The following BMP6 variants were observed in gnomAD, a reference collection of about 807,000 sequenced individuals.
The protein encoded by BMP6 is VG-1-R.
Under a neutral mutation model 54.1 loss-of-function variants are expected in BMP6, and 17 were observed. That is an observed-to-expected ratio of 0.31 (90% CI 0.22 to 0.47). The LOEUF (loss-of-function observed/expected upper bound fraction) is 0.47, where lower values mean the gene tolerates loss of function less well. Ranked by LOEUF, BMP6 falls within the 20% of genes least tolerant of loss-of-function variation. The pLI is 1.00. For missense variants in BMP6, 720 were observed against 690.4 expected, an observed-to-expected ratio of 1.04 and a Z score of -0.48; for synonymous variants, 328 against 291.2, an observed-to-expected ratio of 1.13 and a Z score of -1.28.
chr6:7,775,851 A>G (rs1253517639), intron 1 of BMP6, among the ~76,000 whole-genome samples: 1 of 152,218 alleles, frequency 6.6e-6, no homozygotes, highest in Non-Finnish European at 1.5e-5. Context: ...TTCCAAAACT[A>G]AACATTTGGG....
chr6:7,861,698 C>A, intron 3 of BMP6, 99 bp downstream of exon 3: 2 of 1,506,090 alleles, frequency 1.3e-6, no homozygotes, highest in South Asian at 1.2e-5. Context: ...ACAGGCAAGT[C>A]CTCAGCTTCA....
At chr6:7,734,097 A>G (rs1199697379) in intron 1 of BMP6, among the ~76,000 whole-genome samples, 2 of 152,244 alleles carry the variant, frequency 1.3e-5, no homozygotes, top group East Asian at 1.9e-4. Flanking sequence ...GTGAATATGT[A>G]GTATTTCAGC....
intron 2 of BMP6, among the ~76,000 whole-genome samples, chr6:7,856,095 G>A (rs1188201120): frequency 1.0e-5 from 1 of 96,154 alleles, no homozygotes; most frequent in Non-Finnish European, 1.9e-5. Flanking sequence ...GCCATTGGGT[G>A]AAAATTGAGT....
intron 1 of BMP6, among the ~76,000 whole-genome samples, chr6:7,841,099 A>G (rs888537837): frequency 2.6e-5 from 4 of 152,236 alleles, no homozygotes; most frequent in African/African-American, 9.6e-5. Flanking sequence ...GCTATTTTGT[A>G]TAGATTGTGT....
At chr6:7,855,313 G>T (rs1246218352) in intron 2 of BMP6, among the ~76,000 whole-genome samples, 2 of 152,176 alleles carry the variant, frequency 1.3e-5, no homozygotes, top group Non-Finnish European at 2.9e-5. Flanking sequence ...GAACCTGTTA[G>T]AAATGCAGAT....
At chr6:7,801,899 A>T (rs1758274511) in intron 1 of BMP6, among the ~76,000 whole-genome samples, 1 of 152,174 alleles carries the variant, frequency 6.6e-6, no homozygotes. Context: ...ATGGTCCTAT[A>T]CTACAATTGA....
intron 4 of BMP6, among the ~76,000 whole-genome samples, chr6:7,869,250 C>G (rs1047242602): frequency 1.3e-5 from 2 of 152,260 alleles, no homozygotes; most frequent in Non-Finnish European, 2.9e-5. Context: ...ATGGGCCTCT[C>G]CTGGCCTCCA....
Position 7,880,460 on chromosome 6 carries a change from T to G in BMP6, c.*117T>G. ...ACGATGAGACTTTGAAACTATCTCA[T>G]GCCAGTGCCTTATTACCCAGGAAGA... On this transcript the variant is annotated 3_prime_UTR_variant, in exon 7 of 7. Transcript: ENST00000283147. 7.4e-7 allele frequency: 1 copy of G among 1,353,018 alleles called. No individual in the cohort carries two copies. The highest frequency in any genetic ancestry group is 1.3e-5 in the South Asian group (1 of 74,806). The allele number at this position is 1,353,018 out of a possible 1,614,324, so 83.8% of individuals were successfully genotyped here. A position where few individuals can be genotyped will look rare whatever the true frequency, so the allele number is the denominator to read the frequency against.
intron 1 of BMP6, among the ~76,000 whole-genome samples, chr6:7,834,182 ATGCTTTTTTTTT>A (rs973976005): frequency 2.5e-5 from 3 of 121,518 alleles, no homozygotes; most frequent in African/African-American, 9.8e-5. Flanking sequence ...ACAAGAACAA[ATGCTTTTTTTTT>A]TTTTTTTTTT....
chr6:7,784,355 C>T (rs184643465), intron 1 of BMP6, among the ~76,000 whole-genome samples: 7 of 152,122 alleles, frequency 4.6e-5, no homozygotes, highest in South Asian at 2.1e-4. Flanking sequence ...TCTTCAGTAC[C>T]AGTTCTTTCC....
At chr6:7,871,955 G>A (rs112886111) in intron 4 of BMP6, among the ~76,000 whole-genome samples, 10 of 151,924 alleles carry the variant, frequency 6.6e-5, no homozygotes, top group African/African-American at 1.4e-4. Context: ...CCCAGTATTC[G>A]GCACAGGCCA....
chr6:7,844,738 A>G (rs1020465075), intron 1 of BMP6, among the ~76,000 whole-genome samples: 3 of 152,086 alleles, frequency 2.0e-5, no homozygotes, highest in Admixed American at 2.0e-4. Flanking sequence ...GGCCAGGAGG[A>G]CATAACGGGG....
At chr6:7,832,699 A>G (rs1465823366) in intron 1 of BMP6, among the ~76,000 whole-genome samples, 3 of 149,690 alleles carry the variant, frequency 2.0e-5, no homozygotes, top group Non-Finnish European at 3.0e-5. Flanking sequence ...AGATATAAGA[A>G]CACTGATGTA....
intron 2 of BMP6, among the ~76,000 whole-genome samples, chr6:7,860,990 A>C (rs904839570): frequency 3.3e-5 from 5 of 152,140 alleles, no homozygotes; most frequent in Non-Finnish European, 7.4e-5. Context: ...CTAGTCACTA[A>C]TAGTATCATA....
chr6:7,762,879 C>T (rs966813396), intron 1 of BMP6, among the ~76,000 whole-genome samples: 3 of 152,282 alleles, frequency 2.0e-5, no homozygotes, highest in Admixed American at 6.5e-5. Context: ...TTTAAGCCGC[C>T]GTGCGACGCA....
At chr6:7,874,843 CCTAA>C (rs1310910405) in intron 4 of BMP6, among the ~76,000 whole-genome samples, 2 of 152,036 alleles carry the variant, frequency 1.3e-5, no homozygotes, top group African/African-American at 2.4e-5. Context: ...CTCTCTATGC[CCTAA>C]CTATTGAATA....
At chr6:7,737,008 C>G (rs921548318) in intron 1 of BMP6, among the ~76,000 whole-genome samples, 6 of 151,994 alleles carry the variant, frequency 3.9e-5, no homozygotes, top group Non-Finnish European at 2.9e-5. Flanking sequence ...GCCAACATGG[C>G]AAAACCCTGT....
At chr6:7,791,624 A>G (rs1186343795) in intron 1 of BMP6, among the ~76,000 whole-genome samples, 1 of 152,098 alleles carries the variant, frequency 6.6e-6, no homozygotes, top group African/African-American at 2.4e-5. Context: ...GGCGCTCTGA[A>G]CATCACTACC....
At chr6:7,833,706 A>T (rs1758826498) in intron 1 of BMP6, among the ~76,000 whole-genome samples, 1 of 152,172 alleles carries the variant, frequency 6.6e-6, no homozygotes, top group Non-Finnish European at 1.5e-5. Context: ...ACCTTCTGGG[A>T]CTGTTCTGAA....
Sources: gnomAD v4.1 joint callset for allele counts (sites outside exome capture counted in the v4.1 genomes callset) on GRCh38, gnomAD v4.1.1 for gene constraint, MANE v1.5 for transcripts, NCBI Gene and HGNC (gene_info 2026-07-23, HGNC 2026-07-21) for gene names.